IL16: variants seen among roughly 807,000 people sequenced by gnomAD.
The protein encoded by IL16 is interleukin 16.
A neutral mutation model predicts 110.1 loss-of-function variants in IL16; 67 were observed. The ratio of observed to expected loss-of-function variants is 0.61; its 90% CI spans 0.50 to 0.75. IL16 has a LOEUF of 0.75. Ranked by LOEUF, IL16 falls within the 30% of genes least tolerant of loss-of-function variation. IL16 has a pLI of 0.00. For missense variants in IL16, 1,545 were observed against 1,655.0 expected (o/e 0.93, Z 1.15); for synonymous variants, 689 against 662.9 (o/e 1.04, Z -0.61).
chr15:81,303,470 C>A lies in IL16; in HGVS notation c.3319-79C>A. The A allele has an allele frequency of 1.0e-6, 1 of 963,292 alleles. No homozygotes were observed. Among genetic ancestry groups the A allele is most frequent in the Non-Finnish European group, 1.6e-6 (1 of 609,422 alleles). The allele number at this position is 963,292 out of a possible 1,614,324, so 59.7% of individuals were successfully genotyped here. On this transcript the variant is annotated intron_variant, in intron 15 of 18. Coordinates refer to ENST00000683961, the MANE Select transcript of IL16 (RefSeq NM_172217.5). The surrounding 1 kb of genome is among the most constrained non-coding windows in gnomAD (Gnocchi z 4.1). ...CAAGCTGGGGTTTGAGATAACAAAT[C>A]AGTCTGATGTCAGTCCGATGTTAAA...
At chr15:81,288,208 G>A (rs914532337) in intron 10 of IL16, among the ~76,000 whole-genome samples, 9 of 152,122 alleles carry the variant, frequency 5.9e-5, no homozygotes, top group African/African-American at 2.2e-4. Flanking sequence ...GCATAGGGCA[G>A]AGAGAAGAGA....
At chr15:81,186,820 A>G (rs1056877980) in intron 1 of IL16, among the ~76,000 whole-genome samples, 7 of 149,366 alleles carry the variant, frequency 4.7e-5, no homozygotes, top group African/African-American at 1.7e-4. Context: ...TTTTTTTTTC[A>G]TTTTTTTCTT....
chr15:81,264,001 A>G (rs1013845213), intron 3 of IL16, among the ~76,000 whole-genome samples: 3 of 152,246 alleles, frequency 2.0e-5, no homozygotes, highest in African/African-American at 7.2e-5. Context: ...GCTGACAAAC[A>G]TACAGGTTTC....
At chr15:81,222,514 C>T (rs1896650673) in intron 1 of IL16, among the ~76,000 whole-genome samples, 1 of 151,510 alleles carries the variant, frequency 6.6e-6, no homozygotes, top group Non-Finnish European at 1.5e-5. Context: ...TTCTCTCTGT[C>T]CTCCTTCCTT....
chr15:81,292,455 C>T (rs976007369), intron 11 of IL16, 101 bp from the exon 12 acceptor site: 11 of 1,532,814 alleles, frequency 7.2e-6, no homozygotes, highest in East Asian at 4.5e-5. Context: ...AGCAGATGGC[C>T]GATGTGCAGT....
chr15:81,274,593 T>C lies in IL16; in HGVS notation c.790+1389T>C, dbSNP rs575076103. ...AGTAACGACCAGGTCCAGAAGTCAG[T>C]GTAAACATAGTATTTATATCTGAGT... On this transcript the variant is annotated intron_variant, in intron 6 of 18. Coordinates refer to ENST00000683961, the MANE Select transcript of IL16 (RefSeq NM_172217.5). Among the ~76,000 whole-genome samples, 604 of 152,348 alleles carry C rather than the reference T, an allele frequency of 4.0e-3. 4 individuals carry two copies. The highest frequency in any genetic ancestry group is 6.8e-3 in the Middle Eastern group (2 of 292).
intron 1 of IL16, among the ~76,000 whole-genome samples, chr15:81,198,384 T>A (rs1450122443): frequency 6.6e-6 from 1 of 152,068 alleles, no homozygotes; most frequent in Non-Finnish European, 1.5e-5. Context: ...AAACCCAGCT[T>A]GACTCCAAAA....
intron 3 of IL16, among the ~76,000 whole-genome samples, chr15:81,265,282 G>A (rs1173991276): frequency 6.6e-6 from 1 of 152,152 alleles, no homozygotes; most frequent in African/African-American, 2.4e-5. Context: ...AAACCTTTGT[G>A]TTTTCCTCCT....
chr15:81,290,652 A>G (rs755840785), intron 11 of IL16, 112 bp downstream of exon 11: 2 of 655,440 alleles, frequency 3.1e-6, no homozygotes, highest in Non-Finnish European at 5.2e-6. Flanking sequence ...TTTACCATAG[A>G]CCAGCATAGT....
chr15:81,238,613 T>C (rs1897249608), intron 2 of IL16, among the ~76,000 whole-genome samples: 1 of 147,264 alleles, frequency 6.8e-6, no homozygotes, highest in Admixed American at 6.7e-5. Flanking sequence ...AACACCTCAT[T>C]AGGTGTTGTT....
intron 2 of IL16, among the ~76,000 whole-genome samples, chr15:81,244,318 T>G (rs193078902): frequency 1.0e-3 from 158 of 152,310 alleles, no homozygotes; most frequent in African/African-American, 2.5e-3. Flanking sequence ...TCTTTTTGTT[T>G]GTTTGTTTGT....
chr15:81,263,790 A>G (rs1898257565), intron 3 of IL16, among the ~76,000 whole-genome samples: 1 of 152,154 alleles, frequency 6.6e-6, no homozygotes. Flanking sequence ...GGCCACCTTC[A>G]AGTCACAGGT....
intron 1 of IL16, among the ~76,000 whole-genome samples, chr15:81,206,886 T>C (rs1198980039): frequency 6.6e-6 from 1 of 151,860 alleles, no homozygotes; most frequent in Non-Finnish European, 1.5e-5. Context: ...ATGATGATGA[T>C]GATGATGACG....
intron 3 of IL16, among the ~76,000 whole-genome samples, chr15:81,264,195 A>T (rs1393978004): frequency 6.6e-6 from 1 of 151,992 alleles, no homozygotes; most frequent in Non-Finnish European, 1.5e-5. Context: ...TGGTTTTCTG[A>T]ATCTTCTGGC....
chr15:81,265,840 C>T (rs932655390), intron 4 of IL16, 39 bp downstream of exon 4: 3 of 1,581,242 alleles, frequency 1.9e-6, no homozygotes, highest in Non-Finnish European at 1.7e-6. Flanking sequence ...AAGAGTTTCT[C>T]CCGGGGAGAA....
intron 1 of IL16, among the ~76,000 whole-genome samples, chr15:81,214,145 A>T (rs1017075603): frequency 6.6e-6 from 1 of 152,082 alleles, no homozygotes; most frequent in Non-Finnish European, 1.5e-5. Flanking sequence ...TTCCATCAGC[A>T]TTTGCTTGCC....
intron 12 of IL16, among the ~76,000 whole-genome samples, chr15:81,294,434 G>A (rs1899887508): frequency 6.6e-6 from 1 of 152,222 alleles, no homozygotes. Flanking sequence ...AGTTGCCACA[G>A]CAGGTCTGTC....
At chr15:81,229,803 CCAGGCGTGA>C (rs1259741195) in intron 2 of IL16, among the ~76,000 whole-genome samples, 6 of 152,136 alleles carry the variant, frequency 3.9e-5, no homozygotes, top group Non-Finnish European at 8.8e-5. Context: ...GGCCCTGCAC[CCAGGCGTGA>C]CTCAGTTGGC....
intron 2 of IL16, among the ~76,000 whole-genome samples, chr15:81,242,118 A>T (rs1469141240): frequency 6.6e-6 from 1 of 152,136 alleles, no homozygotes. Flanking sequence ...CTTACCAAAT[A>T]TCACACAGTG....
Sources: gnomAD v4.1 joint callset for allele counts (sites outside exome capture counted in the v4.1 genomes callset) on GRCh38, gnomAD v4.1.1 for gene constraint, Gnocchi (gnomAD v3.1) non-coding constraint, MANE v1.5 for transcripts, NCBI Gene and HGNC (gene_info 2026-07-23, HGNC 2026-07-21) for gene names.